WDR64: variants seen among roughly 807,000 people sequenced by gnomAD.
WDR64 encodes WD repeat domain 64.
Under a neutral mutation model 139.3 loss-of-function variants are expected in WDR64, and 112 were observed. The ratio of observed to expected loss-of-function variants is 0.80; its 90% confidence interval spans 0.69 to 0.94. The LOEUF is 0.94. Among genes scored for constraint, WDR64 ranks in the 40% least tolerant of loss-of-function variants. The pLI is 0.00. For missense variants in WDR64, 1,206 were observed against 1,293.1 expected (o/e 0.93, Z 1.03); for synonymous variants, 444 against 437.7 (o/e 1.01, Z -0.18).
chr1:241,763,460 G>C (rs1315434920), intron 15 of WDR64, among the ~76,000 whole-genome samples: 1 of 152,030 alleles, frequency 6.6e-6, no homozygotes, highest in Non-Finnish European at 1.5e-5. Context: ...CTGTAATCCC[G>C]GCACTTTGGG....
At chr1:241,657,876 C>T (rs1665671170) in intron 1 of WDR64, among the ~76,000 whole-genome samples, 3 of 152,184 alleles carry the variant, frequency 2.0e-5, no homozygotes, top group Admixed American at 1.3e-4. Flanking sequence ...CCATCCAGAT[C>T]AAGACAGGGA....
chr1:241,708,323 T>C (rs919266771), intron 8 of WDR64, among the ~76,000 whole-genome samples: 3 of 152,170 alleles, frequency 2.0e-5, no homozygotes, highest in African/African-American at 7.2e-5. Flanking sequence ...TGAAAAATAA[T>C]TGTAAGAATT....
intron 10 of WDR64, among the ~76,000 whole-genome samples, chr1:241,729,729 A>G (rs959434150): frequency 3.3e-5 from 5 of 152,206 alleles, no homozygotes; most frequent in Non-Finnish European, 5.9e-5. Flanking sequence ...AAACCTGGAG[A>G]TAGAAAAACT....
rs771166930 is a variant in WDR64, at chr1:241,772,830, A to G, written c.2329A>G (p.Met777Val). ...TDVMVGKQQPMDKKHPGIANL... is the reference protein window; with the variant it reads ...TDVMVGKQQPVDKKHPGIANL... ...TGTAATGGTGGGAAAGCAACAGCCA[A>G]TGGACAAAAAACACCCTGGAATTGC... Residue 777 changes from methionine to valine, a missense_variant, in exon 20 of 28, where the codon ATG becomes GTG. By Grantham distance (21) the Met-to-Val change is conservative (BLOSUM62 1). Transcript: ENST00000437684. 2 of 1,552,116 alleles carry G rather than the reference A, an allele frequency of 1.3e-6. No individual in the cohort carries two copies. Among genetic ancestry groups the G allele is most frequent in the Admixed American group, 2.0e-5 (1 of 51,000 alleles).
In WDR64 at chr1:241,652,340, C is replaced by A; in HGVS notation, c.-145C>A. The A allele has an allele frequency of 2.6e-6, 2 of 780,692 alleles. No homozygotes were observed. The highest frequency in any genetic ancestry group is 4.0e-6 in the Non-Finnish European group (2 of 500,226). The allele number at this position is 780,692 out of a possible 1,614,324, so 48.4% of individuals were successfully genotyped here. ...TAGTGGCAACTCTTACTCCTACCCG[C>A]ACTATGGGATTTTAAGATCAAAGGA... On this transcript the variant is annotated 5_prime_UTR_variant, in exon 1 of 28. Coordinates refer to ENST00000437684, the MANE Select transcript of WDR64 (RefSeq NM_001367482.1).
intron 10 of WDR64, among the ~76,000 whole-genome samples, chr1:241,729,647 C>T (rs1668996958): frequency 6.6e-6 from 1 of 152,086 alleles, no homozygotes; most frequent in Non-Finnish European, 1.5e-5. Flanking sequence ...CATGTCATGC[C>T]CAAAGCCTTC....
intron 9 of WDR64, among the ~76,000 whole-genome samples, chr1:241,716,543 C>T (rs1668410497): frequency 1.3e-5 from 2 of 151,992 alleles, no homozygotes; most frequent in African/African-American, 4.8e-5. Flanking sequence ...ATAGACTAGG[C>T]TATTAACCTT....
chr1:241,715,479 G>A (rs1668367762), intron 9 of WDR64, among the ~76,000 whole-genome samples: 1 of 152,134 alleles, frequency 6.6e-6, no homozygotes. Context: ...GAGGGAGGGA[G>A]AGCCCCTTGG....
intron 21 of WDR64, among the ~76,000 whole-genome samples, chr1:241,776,297 T>G (rs1215039433): frequency 2.0e-5 from 3 of 152,126 alleles, no homozygotes; most frequent in African/African-American, 7.2e-5. Flanking sequence ...CAGGCTGGTC[T>G]TGAACTCCTG....
In WDR64 at chr1:241,772,451, C is replaced by CTTTTTT. The variant is rs534177884; in HGVS notation, c.2291-317_2291-312dup. On this transcript the variant is annotated intron_variant, in intron 19 of 27. Coordinates refer to ENST00000437684, the MANE Select transcript of WDR64 (RefSeq NM_001367482.1). ...AGTATTGCAAATTCCAAGATAGATC[C>CTTTTTT]TTTTTTTTTTTTTTTTTTTTTTTTT... 5.7e-3 allele frequency among the ~76,000 whole-genome samples: 335 copies of CTTTTTT among 59,060 alleles called. 71 individuals are homozygous for CTTTTTT. The highest frequency in any genetic ancestry group is 8.8e-3 in the African/African-American group (137 of 15,648). 38.7% of individuals were successfully genotyped at this position (59,060 alleles called of 152,430 possible). A position where few individuals can be genotyped will look rare whatever the true frequency, so the allele number is the denominator to read the frequency against.
rs900186083 is a variant in WDR64, at chr1:241,769,408, C to T, written c.2086C>T (p.Arg696Ter). Reference sequence around the variant, plus strand: ...TAAATGTATACTTACTTCTAGGTACCGACCTGAAGATTGCTTCACTGTAAA... The same window carrying T: ...TAAATGTATACTTACTTCTAGGTACTGACCTGAAGATTGCTTCACTGTAAA... ...FVTSTVKKVY[R>*]PEDCFTVNPD... The change falls in exon 17 of 28, where the codon CGA (arginine) becomes TGA (stop). Residue 696 changes from arginine to a stop codon, truncating the protein, a stop_gained. Transcript: ENST00000437684. LOFTEE classifies it high-confidence loss of function. 1.2e-5 allele frequency: 18 copies of T among 1,551,034 alleles called. No individual in the cohort carries two copies. The highest frequency in any genetic ancestry group is 7.8e-5 in the Admixed American group (4 of 50,964).
intron 8 of WDR64, among the ~76,000 whole-genome samples, chr1:241,706,394 T>C (rs1488554228): frequency 6.6e-6 from 1 of 152,212 alleles, no homozygotes; most frequent in Non-Finnish European, 1.5e-5. Flanking sequence ...TAAAAGAAAA[T>C]AATGCCCTTC....
At chr1:241,691,812 A>G (rs1667305098) in intron 8 of WDR64, among the ~76,000 whole-genome samples, 1 of 152,116 alleles carries the variant, frequency 6.6e-6, no homozygotes, top group Non-Finnish European at 1.5e-5. Flanking sequence ...TCAGGAGTTC[A>G]AGACCAGCCT....
intron 7 of WDR64, among the ~76,000 whole-genome samples, chr1:241,685,164 A>T (rs1666957978): frequency 6.7e-6 from 1 of 150,012 alleles, no homozygotes; most frequent in East Asian, 1.9e-4. Context: ...AATATATAAT[A>T]TAAACATAAA....
chr1:241,710,664 G>A (rs906656305), intron 8 of WDR64, among the ~76,000 whole-genome samples: 2 of 152,120 alleles, frequency 1.3e-5, no homozygotes, highest in African/African-American at 4.8e-5. Context: ...AAGCTCTTGA[G>A]GACAGAAAGA....
intron 2 of WDR64, among the ~76,000 whole-genome samples, chr1:241,667,208 A>G (rs1666053930): frequency 6.6e-6 from 1 of 152,240 alleles, no homozygotes; most frequent in Non-Finnish European, 1.5e-5. Context: ...ACAAAGAATC[A>G]TCATCACCAT....
intron 10 of WDR64, among the ~76,000 whole-genome samples, chr1:241,737,241 G>C (rs1446287585): frequency 4.6e-5 from 7 of 152,202 alleles, no homozygotes; most frequent in African/African-American, 1.7e-4. Flanking sequence ...CTAGCCTACA[G>C]AGGGTTTACA....
Position 241,674,652 on chromosome 1 carries a change from A to G in WDR64, c.388A>G (p.Arg130Gly), listed in dbSNP as rs1056141766. ...TATTATGCTGTTGACAGGTAGTAGA[A>G]GACGAGATGTGATTAAGAGCATTGT... Reference protein sequence around the residue: ...KRRILISGSRRRDVIKSIVKI... With the variant: ...KRRILISGSRGRDVIKSIVKI... The change falls in exon 4 of 28, where the codon AGA becomes GGA. Residue 130 changes from arginine (R) to glycine (G), a missense_variant. Transcript: ENST00000437684. 14 of 1,545,564 alleles carry G rather than the reference A, an allele frequency of 9.1e-6. No homozygotes were observed. Among genetic ancestry groups the G allele is most frequent in the Non-Finnish European group, 1.2e-5 (14 of 1,142,538 alleles).
rs901688595 is a variant in WDR64, at chr1:241,660,599, A to T, written c.215A>T (p.Asp72Val). Reference sequence around the variant, plus strand: ...TTTGGTCCAGATGTGAAGAATCAAGATGTGAAACGCTTTTACAGGAAACTG... The same window carrying T: ...TTTGGTCCAGATGTGAAGAATCAAGTTGTGAAACGCTTTTACAGGAAACTG... ...KLFGPDVKNQ[D>V]VKRFYRKLCN... is the part of the protein sequence containing the mutation. Residue 72 changes from aspartate (D) to valine (V), a missense_variant, in exon 2 of 28, where the codon GAT becomes GTT. Physicochemically the swap from Asp to Val is radical, Grantham distance 152. Transcript: ENST00000437684. 25 of 1,551,658 alleles carry T rather than the reference A, an allele frequency of 1.6e-5. No individual in the cohort carries two copies. The highest frequency in any genetic ancestry group is 2.2e-5 in the Non-Finnish European group (25 of 1,146,910).
Sources: allele counts gnomAD v4.1 joint callset (sites outside exome capture counted in the v4.1 genomes callset), GRCh38; gene constraint gnomAD v4.1.1; transcripts MANE v1.5; gene names NCBI Gene and HGNC (gene_info 2026-07-23, HGNC 2026-07-21).